Variants in TMX1 observed in about 807,000 individuals in gnomAD.
TMX1 encodes thioredoxin related transmembrane protein 1, also known as thioredoxin-related transmembrane protein 1.
In TMX1, 25 loss-of-function variants were observed where a neutral mutation model predicts 36.6. The observed-to-expected ratio is 0.68, with a 90% CI of 0.50 to 0.95. The LOEUF is 0.95. TMX1 is among the 40% of genes least tolerant of loss of function. The pLI is 0.00. For synonymous variants in TMX1, 133 were observed against 118.0 expected (o/e 1.13, Z -0.82); for missense variants, 347 against 339.6 (o/e 1.02, Z -0.17).
chr14:51,251,155 A>T (rs2065810878), intron 7 of TMX1, among the ~76,000 whole-genome samples: 1 of 152,238 alleles, frequency 6.6e-6, no homozygotes, highest in South Asian at 2.1e-4. Context: ...AGCTATACCG[A>T]TGGTCCCTGA....
intron 7 of TMX1, 148 bp from the exon 8 acceptor site, chr14:51,254,193 T>G (rs2139859651): frequency 1.7e-6 from 1 of 590,570 alleles, no homozygotes; most frequent in Non-Finnish European, 2.7e-6. Context: ...TTTTTTATCT[T>G]ATCTTGAATA....
chr14:51,250,467 CATTT>C (rs1290868904), intron 7 of TMX1, among the ~76,000 whole-genome samples: 1 of 135,644 alleles, frequency 7.4e-6, no homozygotes, highest in East Asian at 2.2e-4. Context: ...GATATTCCTT[CATTT>C]ATTATGTCTT....
chr14:51,245,357 C>T lies in TMX1; in HGVS notation c.313C>T (p.His105Tyr). The T allele has an allele frequency of 2.5e-6, 4 of 1,613,840 alleles. No homozygotes were observed. The highest frequency in any genetic ancestry group is 3.4e-6 in the Non-Finnish European group (4 of 1,179,866). ...FIITALPTIY[H>Y]CKDGEFRRYQ... ...CATAACTGCTCTTCCTACTATTTAT[C>T]AGTAAGTATTTGAAGATTCTAAATT... is the stretch of plus-strand genomic sequence containing the variant. Residue 105 changes from histidine to tyrosine, a missense_variant and splice_region_variant, in exon 3 of 8, where the codon CAT (histidine) becomes TAT (tyrosine). Transcript: ENST00000457354.
chr14:51,252,748 C>G lies in TMX1; in HGVS notation c.665-1593C>G, dbSNP rs969717455. 3.3e-5 allele frequency among the ~76,000 whole-genome samples: 5 copies of G among 152,102 alleles called. No homozygotes were observed. In the South Asian group the frequency reaches 1.0e-3, roughly 32 times the overall value. ...TGAGTTGCTAGGGTTGCTAAGGAAACCCAACTCAATCTACTGTTAAGCAAA... is the reference window on the plus strand; with the variant it reads ...TGAGTTGCTAGGGTTGCTAAGGAAAGCCAACTCAATCTACTGTTAAGCAAA... On this transcript the variant is annotated intron_variant, in intron 7 of 7. Transcript: ENST00000457354.
chr14:51,247,197 A>G lies in TMX1; in HGVS notation c.420A>G (p.Ser140=). The G allele has an allele frequency of 2.5e-6, 4 of 1,613,538 alleles. No individual in the cohort carries two copies. The highest frequency in any genetic ancestry group is 3.4e-6 in the Non-Finnish European group (4 of 1,179,806). Reference sequence around the variant, plus strand: ...GGAAGAGTATTGAGCCCGTTTCATCATGGTTTGGTCCAGGTTCTGTTCTGT... The same window carrying G: ...GGAAGAGTATTGAGCCCGTTTCATCGTGGTTTGGTCCAGGTTCTGTTCTGT... The part of the protein sequence containing the change: ...KEWKSIEPVS[S]WFGPGSVLMS... The change falls in exon 4 of 8, where the codon TCA becomes TCG. Residue 140 remains serine (S), a synonymous_variant. Coordinates refer to ENST00000457354, the MANE Select transcript of TMX1 (RefSeq NM_030755.5).
chr14:51,251,439 A>G (rs987617931), intron 7 of TMX1, among the ~76,000 whole-genome samples: 1 of 152,180 alleles, frequency 6.6e-6, no homozygotes, highest in Non-Finnish European at 1.5e-5. Flanking sequence ...GTCAAGGAGC[A>G]TCTGTATTAT....
intron 7 of TMX1, among the ~76,000 whole-genome samples, chr14:51,251,161 C>T (rs1308248303): frequency 6.6e-6 from 1 of 152,042 alleles, no homozygotes; most frequent in Admixed American, 6.5e-5. Context: ...ACCGATGGTC[C>T]CTGACCTACA....
chr14:51,250,342 C>G (rs7350715), intron 7 of TMX1, among the ~76,000 whole-genome samples: 1 of 152,060 alleles, frequency 6.6e-6, no homozygotes, highest in Admixed American at 6.5e-5. Flanking sequence ...CTCTTCAGCA[C>G]CTCTGTAGTA....
Position 51,243,892 on chromosome 14 carries a change from A to G in TMX1, c.189A>G (p.Gln63=), listed in dbSNP as rs61745163. The G allele has an allele frequency of 6.2e-7, 1 of 1,611,450 alleles. No individual in the cohort carries two copies. Among genetic ancestry groups the G allele is most frequent in the Admixed American group, 1.7e-5 (1 of 59,720 alleles). Residue 63 remains glutamine (Q), a synonymous_variant, in exon 2 of 8, where the codon CAA becomes CAG. Coordinates refer to ENST00000457354, the MANE Select transcript of TMX1 (RefSeq NM_030755.5). ...GGTGCCCTGCTTGTCAAAATCTTCA[A>G]CCGGAATGGGAAAGTTTTGCTGAAT... ...APWCPACQNL[Q]PEWESFAEWG...
At position 51,247,224 on chromosome 14, in the gene TMX1, A is replaced by C; in HGVS notation, c.443+4A>C. The C allele has an allele frequency of 1.2e-6, 2 of 1,607,374 alleles. No individual in the cohort carries two copies. Among genetic ancestry groups the C allele is most frequent in the Non-Finnish European group, 1.7e-6 (2 of 1,177,942 alleles). On this transcript the variant is annotated splice_donor_region_variant and intron_variant, in intron 4 of 7. Coordinates refer to ENST00000457354, the MANE Select transcript of TMX1 (RefSeq NM_030755.5). Reference sequence around the variant, plus strand: ...GGTTTGGTCCAGGTTCTGTTCTGTAAGTATGAGGGCTTTTTCTCTTACCCA... The same window carrying C: ...GGTTTGGTCCAGGTTCTGTTCTGTACGTATGAGGGCTTTTTCTCTTACCCA...
chr14:51,254,638 C>A lies in TMX1; in HGVS notation c.*119C>A. 1.1e-6 allele frequency: 1 copy of A among 877,914 alleles called. No homozygotes were observed. The allele number at this position is 877,914 out of a possible 1,614,324, so 54.4% of individuals were successfully genotyped here. A position where few individuals can be genotyped will look rare whatever the true frequency, so the allele number is the denominator to read the frequency against. ...TATTGCAGGGTTCAGTCTAGATTGT[C>A]ATTAAATTGAAGAGTCTACATTCAG... is the stretch of plus-strand genomic sequence containing the variant. On this transcript the variant is annotated 3_prime_UTR_variant, in exon 8 of 8. Coordinates refer to ENST00000457354, the MANE Select transcript of TMX1 (RefSeq NM_030755.5).
At chr14:51,245,262 G>C (rs887720739) in intron 2 of TMX1, 51 bp from the exon 3 acceptor site, 32 of 1,607,832 alleles carry the variant, frequency 2.0e-5, no homozygotes, top group Non-Finnish European at 2.5e-5. Context: ...CACGTTTTAA[G>C]TAGTCAGTGA....
At position 51,250,647 on chromosome 14, in the gene TMX1, A is replaced by G. The variant is rs575509824; in HGVS notation, c.664+882A>G. The stretch of plus-strand genomic sequence containing the variant: ...GCTGGGACTACAGGTGCCCACCACC[A>G]CGCCCGGCTAATTTTTTGTGTTTTT... On this transcript the variant is annotated intron_variant, in intron 7 of 7. Coordinates refer to ENST00000457354, the MANE Select transcript of TMX1 (RefSeq NM_030755.5). 3.9e-5 allele frequency among the ~76,000 whole-genome samples: 6 copies of G among 152,154 alleles called. No homozygotes were observed. The South Asian group carries it at 1.2e-3, about 32-fold the overall frequency.
rs148785639 is a variant in TMX1 at position 51,257,115 on chromosome 14, G to A, written c.*2596G>A. ...ATTACAGGCATGTGCCACCATGCCC[G>A]GCTATTATTTTGGTCTTAAAATTTC... On this transcript the variant is annotated 3_prime_UTR_variant, in exon 8 of 8. Coordinates refer to ENST00000457354, the MANE Select transcript of TMX1 (RefSeq NM_030755.5). The A allele has an allele frequency of 1.0e-3, 152 of 152,012 alleles. 1 individual carries two copies. Among genetic ancestry groups the A allele is most frequent in the African/African-American group, 3.6e-3 (150 of 41,462 alleles). The allele number at this position is 152,012 out of a possible 1,614,324, so 9.4% of individuals were successfully genotyped here.
chr14:51,247,328 A>T, intron 4 of TMX1, 108 bp downstream of exon 4: 4 of 995,932 alleles, frequency 4.0e-6, no homozygotes, highest in Non-Finnish European at 5.5e-6. Flanking sequence ...CTGTTAAGGT[A>T]TATCCACATT....
chr14:51,250,574 C>A (rs1460434872), intron 7 of TMX1, among the ~76,000 whole-genome samples: 1 of 152,212 alleles, frequency 6.6e-6, no homozygotes, highest in Non-Finnish European at 1.5e-5. Flanking sequence ...TCACTGCAAC[C>A]TCTGCCTTCC....
intron 1 of TMX1, among the ~76,000 whole-genome samples, chr14:51,242,673 G>T (rs563369894): frequency 1.3e-5 from 2 of 152,200 alleles, no homozygotes; most frequent in South Asian, 4.1e-4. Context: ...CCAGCTACTT[G>T]GGCTGAGGTG....
intron 3 of TMX1, 134 bp downstream of exon 3, chr14:51,245,492 TG>T: frequency 6.5e-7 from 1 of 1,538,234 alleles, no homozygotes; most frequent in Non-Finnish European, 8.7e-7. Flanking sequence ...TTAGAGGGCT[TG>T]TTTTGCTTAG....
chr14:51,243,823 A>C, intron 1 of TMX1, 33 bp from the exon 2 acceptor site: 6 of 1,528,522 alleles, frequency 3.9e-6, no homozygotes, highest in Non-Finnish European at 5.3e-6. Flanking sequence ...TAAAGTGCTT[A>C]ACTTTTTTTA....
Sources: allele counts gnomAD v4.1 joint callset (sites outside exome capture counted in the v4.1 genomes callset), GRCh38; gene constraint gnomAD v4.1.1; transcripts MANE v1.5; gene names NCBI Gene and HGNC (gene_info 2026-07-23, HGNC 2026-07-21).